The following ERC1 variants were observed in gnomAD, a reference collection of about 807,000 sequenced individuals.
The protein encoded by ERC1 is ELKS/RAB6-interacting/CAST family member 1.
ERC1 carries 56 observed loss-of-function variants against 132.0 expected under a neutral mutation model. The observed-to-expected ratio is 0.42, with a 90% CI of 0.34 to 0.53. ERC1 has a LOEUF of 0.53. Among genes scored for constraint, ERC1 ranks in the 20% least tolerant of loss-of-function variants. The pLI is 0.03. For missense variants in ERC1, 1,202 were observed against 1,349.9 expected (o/e 0.89, Z 1.72); for synonymous variants, 478 against 476.1 (o/e 1.00, Z -0.05).
At chr12:1,306,194 C>G (rs1329547905) in intron 15 of ERC1, among the ~76,000 whole-genome samples, 2 of 152,170 alleles carry the variant, frequency 1.3e-5, no homozygotes, top group African/African-American at 4.8e-5. Flanking sequence ...TAAACACCTT[C>G]GTATCTCATT....
intron 17 of ERC1, among the ~76,000 whole-genome samples, chr12:1,421,277 A>G (rs2092417517): frequency 6.6e-6 from 1 of 152,232 alleles, no homozygotes; most frequent in Non-Finnish European, 1.5e-5. Context: ...CAGAAAAGCC[A>G]ATACACTGAG....
At chr12:1,075,679 G>A (rs34186162) in intron 2 of ERC1, among the ~76,000 whole-genome samples, 34,492 of 151,362 alleles carry the variant, frequency 0.23, 4,346 homozygotes, top group Middle Eastern at 0.28. Context: ...CAACAAAAGT[G>A]CACTCCATTG....
intron 7 of ERC1, among the ~76,000 whole-genome samples, chr12:1,117,266 T>C (rs1422962883): frequency 6.6e-6 from 1 of 152,176 alleles, no homozygotes; most frequent in Non-Finnish European, 1.5e-5. Flanking sequence ...CTCATAGTCT[T>C]AGAAGACAAG....
At chr12:1,141,882 T>A in intron 8 of ERC1, 95 bp downstream of exon 8, 1 of 1,042,522 alleles carries the variant, frequency 9.6e-7, no homozygotes, top group Non-Finnish European at 1.3e-6. Flanking sequence ...AGTTTCTTGC[T>A]CATTTTTCAG....
chr12:1,119,610 A>T (rs1946852412), intron 7 of ERC1, among the ~76,000 whole-genome samples: 1 of 149,124 alleles, frequency 6.7e-6, no homozygotes, highest in Non-Finnish European at 1.5e-5. Context: ...GGAGTGCAAT[A>T]GCACAATCTT....
chr12:1,374,196 A>G (rs1419202820), intron 16 of ERC1, among the ~76,000 whole-genome samples: 1 of 152,230 alleles, frequency 6.6e-6, no homozygotes, highest in Non-Finnish European at 1.5e-5. Context: ...TCTAAAGGCT[A>G]TTTCCTAACA....
intron 7 of ERC1, among the ~76,000 whole-genome samples, chr12:1,117,386 T>A (rs1266976949): frequency 6.6e-6 from 1 of 152,218 alleles, no homozygotes; most frequent in Non-Finnish European, 1.5e-5. Context: ...CTGACATGTT[T>A]GTCATTTTTC....
chr12:1,408,613 TCTTTC>T (rs1018042236), intron 17 of ERC1, among the ~76,000 whole-genome samples: 1 of 152,244 alleles, frequency 6.6e-6, no homozygotes, highest in African/African-American at 2.4e-5. Context: ...AAAACAAGAC[TCTTTC>T]CTTACAAGCC....
chr12:1,007,251 G>C (rs2154136048), intron 1 of ERC1, among the ~76,000 whole-genome samples: 1 of 152,214 alleles, frequency 6.6e-6, no homozygotes, highest in East Asian at 1.9e-4. Flanking sequence ...TTTTACCTTG[G>C]AGCAATGGCA....
chr12:1,235,548 G>T (rs1361745950), intron 12 of ERC1, among the ~76,000 whole-genome samples: 2 of 152,178 alleles, frequency 1.3e-5, no homozygotes, highest in African/African-American at 4.8e-5. Flanking sequence ...CTATTTCACA[G>T]AAGTGGAAAC....
At chr12:1,060,833 C>T (rs1262899985) in intron 2 of ERC1, among the ~76,000 whole-genome samples, 1 of 151,302 alleles carries the variant, frequency 6.6e-6, no homozygotes, top group African/African-American at 2.4e-5. Context: ...TCACGCCATT[C>T]TCCTGCCTCA....
intron 16 of ERC1, among the ~76,000 whole-genome samples, chr12:1,389,151 A>G (rs917408320): frequency 1.3e-5 from 2 of 152,214 alleles, no homozygotes; most frequent in African/African-American, 4.8e-5. Flanking sequence ...TGGTCTCCCT[A>G]ATTAAAATGA....
chr12:1,481,443 G>A (rs10848482), intron 18 of ERC1, among the ~76,000 whole-genome samples: 66,966 of 152,146 alleles, frequency 0.44, 17,547 homozygotes, highest in East Asian at 0.79. Context: ...AATAAAAGTC[G>A]CATTTTAAAA....
chr12:1,253,477 G>C (rs1326037076), intron 13 of ERC1, among the ~76,000 whole-genome samples: 2 of 152,144 alleles, frequency 1.3e-5, no homozygotes, highest in Non-Finnish European at 2.9e-5. Flanking sequence ...AGGAGTTCGA[G>C]ACTAGCCTGA....
Position 1,424,793 on chromosome 12 carries a change from T to TGATAGATA in ERC1, c.3024+16590_3024+16597dup, listed in dbSNP as rs139054161. Among the ~76,000 whole-genome samples, 389 of 110,152 alleles carry TGATAGATA rather than the reference T, an allele frequency of 3.5e-3. 1 individual carries two copies. Among genetic ancestry groups the TGATAGATA allele is most frequent in the Non-Finnish European group, 4.8e-3 (249 of 51,366 alleles). The allele number at this position is 110,152 out of a possible 152,430, so 72.3% of individuals were successfully genotyped here. The stretch of plus-strand genomic sequence containing the variant: ...AGTGTGTCTTGAGAAGAGCTTGAGA[T>TGATAGATA]GATAGATAGATAGATAGATAGATAG... On this transcript the variant is annotated intron_variant, in intron 17 of 18. Transcript: ENST00000360905.
intron 14 of ERC1, 129 bp downstream of exon 14, chr12:1,263,294 A>C: frequency 1.3e-6 from 1 of 779,492 alleles, no homozygotes; most frequent in Non-Finnish European, 1.9e-6. Context: ...ATAGAGGAGA[A>C]GTCCCAAGGA....
chr12:1,237,029 C>G, intron 13 of ERC1, 125 bp downstream of exon 13: 2 of 1,102,038 alleles, frequency 1.8e-6, no homozygotes, highest in South Asian at 3.3e-5. Context: ...CTGCCTTCCT[C>G]TCAGACCAAC....
chr12:1,061,251 C>T (rs1263913804), intron 2 of ERC1, among the ~76,000 whole-genome samples: 1 of 151,946 alleles, frequency 6.6e-6, no homozygotes, highest in Admixed American at 6.6e-5. Flanking sequence ...TTTGAGTCTT[C>T]TCTCTTCTTA....
chr12:1,225,785 T>A (rs141716288), intron 12 of ERC1, among the ~76,000 whole-genome samples: 101 of 152,310 alleles, frequency 6.6e-4, no homozygotes, highest in Middle Eastern at 3.4e-3. Flanking sequence ...GCATTAAAGG[T>A]TGCCAGCACC....
Sources: gnomAD v4.1 joint callset for allele counts (sites outside exome capture counted in the v4.1 genomes callset) on GRCh38, gnomAD v4.1.1 for gene constraint, MANE v1.5 for transcripts, NCBI Gene and HGNC (gene_info 2026-07-23, HGNC 2026-07-21) for gene names.